The following OR9I1 variants were observed in gnomAD, a reference collection of about 807,000 sequenced individuals.
OR9I1 encodes the protein olfactory receptor 9I1.
In OR9I1, 7 loss-of-function variants were observed where a neutral mutation model predicts 11.2. That is an observed-to-expected ratio of 0.62 (90% CI 0.36 to 1.17). The LOEUF (loss-of-function observed/expected upper bound fraction) is 1.17, where lower values mean the gene tolerates loss of function less well. Ranked by LOEUF, OR9I1 falls within the 50% of genes most tolerant of loss-of-function variation. The pLI is 0.02. For synonymous variants in OR9I1, 165 were observed against 153.4 expected, an observed-to-expected ratio of 1.08 and a Z score of -0.56; for missense variants, 428 against 377.2, an observed-to-expected ratio of 1.13 and a Z score of -1.12.
In OR9I1 at chr11:58,118,657, C is replaced by A; in HGVS notation, c.788G>T (p.Gly263Val). ...GALIFMYLQSGSGKSLEEDKV... is the reference protein window; with the variant it reads ...GALIFMYLQSVSGKSLEEDKV... ...GTCTTCCTCCAGAGATTTGCCTGAG[C>A]CACTTTGCAGATACATGAAGATAAG... The change falls in exon 3 of 3, where the codon GGC (glycine) becomes GTC (valine). Residue 263 changes from glycine (G) to valine (V), a missense_variant. Coordinates refer to ENST00000641439, the MANE Select transcript of OR9I1 (RefSeq NM_001005211.2). 1 of 1,613,956 alleles carries A rather than the reference C, an allele frequency of 6.2e-7. No individual in the cohort carries two copies. The highest frequency in any genetic ancestry group is 1.1e-5 in the South Asian group (1 of 91,014).
chr11:58,120,038 A>G lies in OR9I1; in HGVS notation c.-22-572T>C, dbSNP rs548436537. On this transcript the variant is annotated intron_variant, in intron 2 of 2. Coordinates refer to ENST00000641439, the MANE Select transcript of OR9I1 (RefSeq NM_001005211.2). ...ATTGATATATTTTCCGTCTTACTAT[A>G]TAATTATTCAATGGGCAGTAAAAAA... Among the ~76,000 whole-genome samples, 41 of 152,340 alleles carry G rather than the reference A, an allele frequency of 2.7e-4. No individual in the cohort carries two copies. In the South Asian group the frequency reaches 7.0e-3, roughly 26 times the overall value.
intron 2 of OR9I1, 88 bp from the exon 3 acceptor site, chr11:58,119,554 G>T: frequency 2.8e-6 from 2 of 725,960 alleles, no homozygotes; most frequent in Non-Finnish European, 4.5e-6. Context: ...TTAATTCTGG[G>T]TCTATTTGTA....
intron 2 of OR9I1, among the ~76,000 whole-genome samples, chr11:58,122,021 C>T (rs1002756141): frequency 1.3e-5 from 2 of 152,102 alleles, no homozygotes; most frequent in African/African-American, 4.8e-5. Context: ...CATGGGATCC[C>T]TTTTTTTACT....
rs1853978899 is a variant in OR9I1, at chr11:58,118,291, T to C, written c.*209A>G. Reference sequence around the variant, plus strand: ...AGACTGCCCAGTGCTAAGGAATGGATTGAAAGTGGAAGAAGGGGATAAGAA... The same window carrying C: ...AGACTGCCCAGTGCTAAGGAATGGACTGAAAGTGGAAGAAGGGGATAAGAA... On this transcript the variant is annotated 3_prime_UTR_variant, in exon 3 of 3. Transcript: ENST00000641439. 4.2e-5 allele frequency: 21 copies of C among 502,594 alleles called. No homozygotes were observed. The East Asian group carries it at 6.6e-4, about 16-fold the overall frequency. The allele number at this position is 502,594 out of a possible 1,614,324, so 31.1% of individuals were successfully genotyped here. A position where few individuals can be genotyped will look rare whatever the true frequency, so the allele number is the denominator to read the frequency against.
intron 2 of OR9I1, among the ~76,000 whole-genome samples, chr11:58,122,987 G>T (rs1269573266): frequency 6.6e-6 from 1 of 151,122 alleles, no homozygotes; most frequent in Admixed American, 6.6e-5. Context: ...TTTTGTTATG[G>T]TCTTGCTTGG....
In OR9I1 at chr11:58,118,473, T is replaced by C. The variant is rs913769776; in HGVS notation, c.*27A>G. The C allele has an allele frequency of 4.8e-6, 7 of 1,468,550 alleles. No individual in the cohort carries two copies. In the Admixed American group the frequency reaches 1.4e-4, roughly 29 times the overall value. The allele number at this position is 1,468,550 out of a possible 1,614,324, so 91.0% of individuals were successfully genotyped here. ...ATATTCATATGGGAAGAAAGTGGAC[T>C]AAAACAAGAATTCCTCTTACTTAGA... On this transcript the variant is annotated 3_prime_UTR_variant, in exon 3 of 3. Transcript: ENST00000641439.
At position 58,119,221 on chromosome 11, in the gene OR9I1, G is replaced by A; in HGVS notation, c.224C>T (p.Ser75Leu). 1 of 1,613,964 alleles carries A rather than the reference G, an allele frequency of 6.2e-7. No individual in the cohort carries two copies. Among genetic ancestry groups the A allele is most frequent in the East Asian group, 2.2e-5 (1 of 44,830 alleles). The change falls in exon 3 of 3, where the codon TCA becomes TTA. Residue 75 changes from serine to leucine, a missense_variant. By Grantham distance (145) the Ser-to-Leu change is moderately radical. Coordinates refer to ENST00000641439, the MANE Select transcript of OR9I1 (RefSeq NM_001005211.2). ...GGCTAGGATCTGAGGGGTGATGACTGAGGTGTAACAGGCATCCAGCAGGGA... is the reference window on the plus strand; with the variant it reads ...GGCTAGGATCTGAGGGGTGATGACTAAGGTGTAACAGGCATCCAGCAGGGA... ...HLSLLDACYT[S>L]VITPQILATL...
intron 2 of OR9I1, among the ~76,000 whole-genome samples, chr11:58,120,054 C>A (rs1266037447): frequency 1.3e-5 from 2 of 152,160 alleles, no homozygotes; most frequent in Non-Finnish European, 2.9e-5. Context: ...ATTCAATGGG[C>A]AGTAAAAAAA....
chr11:58,121,833 T>A (rs1854035454), intron 2 of OR9I1, among the ~76,000 whole-genome samples: 1 of 152,220 alleles, frequency 6.6e-6, no homozygotes, highest in Non-Finnish European at 1.5e-5. Flanking sequence ...TCTACCTTCT[T>A]TCATACATTT....
chr11:58,117,560 TC>T lies in OR9I1; in HGVS notation c.*939del, dbSNP rs1459894898. 1 of 152,224 alleles carries T rather than the reference TC, an allele frequency of 6.6e-6. No homozygotes were observed. The highest frequency in any genetic ancestry group is 1.5e-5 in the Non-Finnish European group (1 of 68,062). The allele number at this position is 152,224 out of a possible 1,614,324, so 9.4% of individuals were successfully genotyped here. On this transcript the variant is annotated 3_prime_UTR_variant, in exon 3 of 3. Transcript: ENST00000641439. ...CATTCTGTTCTCAAGGGTTTTACAGTCTGGTACAGGAGTCATGATTACTTCC... is the reference window on the plus strand; with the variant it reads ...CATTCTGTTCTCAAGGGTTTTACAGTTGGTACAGGAGTCATGATTACTTCC...
Position 58,125,348 on chromosome 11 carries a change from G to T in OR9I1, c.-299C>A, listed in dbSNP as rs1289984180. On this transcript the variant is annotated 5_prime_UTR_variant, in exon 1 of 3. Transcript: ENST00000641439. ...CAGATGACAACTTCTGATGACAAAG[G>T]CAAGATTCTCTGCCCAGTTACACCT... The T allele has an allele frequency of 6.7e-6, 1 of 149,212 alleles. No homozygotes were observed. Among genetic ancestry groups the T allele is most frequent in the Non-Finnish European group, 1.5e-5 (1 of 67,660 alleles). 9.2% of individuals were successfully genotyped at this position (149,212 alleles called of 1,614,324 possible).
rs778272375 is a variant in OR9I1, at chr11:58,118,939, C to T, written c.506G>A (p.Cys169Tyr). The T allele has an allele frequency of 2.5e-6, 4 of 1,613,870 alleles. No individual in the cohort carries two copies. Among genetic ancestry groups the T allele is most frequent in the Middle Eastern group, 1.6e-4 (1 of 6,084 alleles). The change falls in exon 3 of 3, where the codon TGT (cysteine) becomes TAT (tyrosine). Residue 169 changes from cysteine to tyrosine, a missense_variant. By Grantham distance (194) the Cys-to-Tyr change is radical. Coordinates refer to ENST00000641439, the MANE Select transcript of OR9I1 (RefSeq NM_001005211.2). ...GAAGAAGTTTATTTGATTGTCCTTACAGAAGGAGAGGGTGAAGGTGCAAGT... is the reference window on the plus strand; with the variant it reads ...GAAGAAGTTTATTTGATTGTCCTTATAGAAGGAGAGGGTGAAGGTGCAAGT... The part of the protein sequence containing the change: ...RTTCTFTLSF[C>Y]KDNQINFFFC...
intron 2 of OR9I1, among the ~76,000 whole-genome samples, chr11:58,124,069 A>G (rs1024898738): frequency 6.6e-6 from 1 of 152,202 alleles, no homozygotes; most frequent in South Asian, 2.1e-4. Context: ...TTTTTCAGAC[A>G]GGCAATTTCC....
Position 58,118,862 on chromosome 11 carries a change from T to A in OR9I1, c.583A>T (p.Ile195Phe). ...CCAAAGAAGATGATGACAATCTCGATGTTTGCTGTGTCACTGCAGGCAAGC... is the reference window on the plus strand; with the variant it reads ...CCAAAGAAGATGATGACAATCTCGAAGTTTGCTGTGTCACTGCAGGCAAGC... ...LKLACSDTANIEIVIIFFGNF... is the reference protein window; with the variant it reads ...LKLACSDTANFEIVIIFFGNF... The change falls in exon 3 of 3, where the codon ATC becomes TTC. Residue 195 changes from isoleucine to phenylalanine, a missense_variant. Physicochemically the swap from Ile to Phe is conservative, Grantham distance 21. Coordinates refer to ENST00000641439, the MANE Select transcript of OR9I1 (RefSeq NM_001005211.2). The A allele has an allele frequency of 6.2e-7, 1 of 1,614,012 alleles. No individual in the cohort carries two copies. The highest frequency in any genetic ancestry group is 8.5e-7 in the Non-Finnish European group (1 of 1,179,986).
Position 58,117,723 on chromosome 11 carries a change from G to C in OR9I1, c.*777C>G, listed in dbSNP as rs1565080585. On this transcript the variant is annotated 3_prime_UTR_variant, in exon 3 of 3. Coordinates refer to ENST00000641439, the MANE Select transcript of OR9I1 (RefSeq NM_001005211.2). ...AGAACTGTTCCTGAGACACGCAATA[G>C]GGTGAGGAGGAGAAGCAATGTACCA... 1 of 152,186 alleles carries C rather than the reference G, an allele frequency of 6.6e-6. No homozygotes were observed. The highest frequency in any genetic ancestry group is 1.5e-5 in the Non-Finnish European group (1 of 68,054). The allele number at this position is 152,186 out of a possible 1,614,324, so 9.4% of individuals were successfully genotyped here.
intron 2 of OR9I1, among the ~76,000 whole-genome samples, chr11:58,121,617 C>T (rs1179292313): frequency 6.6e-6 from 1 of 152,206 alleles, no homozygotes; most frequent in Non-Finnish European, 1.5e-5. Flanking sequence ...CTTAATCTTA[C>T]ACCCCCAACT....
chr11:58,118,920 GTTTA>G lies in OR9I1; in HGVS notation c.521_524del (p.Ile174ThrfsTer11). 6.2e-7 allele frequency: 1 copy of G among 1,614,036 alleles called. No individual in the cohort carries two copies. The highest frequency in any genetic ancestry group is 8.5e-7 in the Non-Finnish European group (1 of 1,180,008). On this transcript the variant is annotated frameshift_variant, in exon 3 of 3. Transcript: ENST00000641439. LOFTEE classifies it high-confidence loss of function. The stretch of plus-strand genomic sequence containing the variant: ...GGGGTGGGAGGTCACAGAAGAAGAA[GTTTA>G]TTTGATTGTCCTTACAGAAGGAGAG...
At position 58,119,475 on chromosome 11, in the gene OR9I1, G is replaced by A; in HGVS notation, c.-22-9C>T. The A allele has an allele frequency of 7.6e-7, 1 of 1,320,490 alleles. No individual in the cohort carries two copies. The highest frequency in any genetic ancestry group is 1.4e-5 in the South Asian group (1 of 71,332). The allele number at this position is 1,320,490 out of a possible 1,614,324, so 81.8% of individuals were successfully genotyped here. On this transcript the variant is annotated splice_polypyrimidine_tract_variant and intron_variant, in intron 2 of 2. Transcript: ENST00000641439. ...CAATGTGGACTGTTGGTCTGAGGAT[G>A]ATAATGAAATAAAAAGAATCTCAGA...
chr11:58,119,016 G>A lies in OR9I1; in HGVS notation c.429C>T (p.Ser143=). The A allele has an allele frequency of 6.2e-7, 1 of 1,613,896 alleles. No individual in the cohort carries two copies. The highest frequency in any genetic ancestry group is 8.5e-7 in the Non-Finnish European group (1 of 1,179,972). ...CACAGACATAGGCTCCTACCACCAG[G>A]CTCCAGCAGAGCCTGGGATTCATGG... ...TVAMNPRLCW[S]LVVGAYVCGV... Residue 143 remains serine, a synonymous_variant, in exon 3 of 3, where the codon AGC becomes AGT. Transcript: ENST00000641439.
Sources: gnomAD v4.1 joint callset for allele counts (sites outside exome capture counted in the v4.1 genomes callset) on GRCh38, gnomAD v4.1.1 for gene constraint, MANE v1.5 for transcripts, NCBI Gene and HGNC (gene_info 2026-07-23, HGNC 2026-07-21) for gene names.